Variants in CLTCL1 observed in about 807,000 individuals in gnomAD.
The protein encoded by CLTCL1 is clathrin heavy chain like 1.
CLTCL1 carries 159 observed loss-of-function variants against 190.0 expected under a neutral mutation model. That is an observed-to-expected ratio of 0.84 (90% CI 0.74 to 0.95). The LOEUF is 0.95. Among genes scored for constraint, CLTCL1 ranks in the 40% least tolerant of loss-of-function variants. The pLI is 0.00. For synonymous variants in CLTCL1, 752 were observed against 769.6 expected (o/e 0.98, Z 0.38); for missense variants, 1,878 against 2,033.4 (o/e 0.92, Z 1.47).
chr22:19,260,209 G>A (rs1320414888), intron 2 of CLTCL1, among the ~76,000 whole-genome samples: 3 of 152,132 alleles, frequency 2.0e-5, no homozygotes, highest in South Asian at 2.1e-4. Context: ...AGCATAAAAC[G>A]GCAAGGTGAA....
intron 4 of CLTCL1, among the ~76,000 whole-genome samples, chr22:19,240,039 C>T (rs1555964534): frequency 6.6e-6 from 1 of 151,458 alleles, no homozygotes; most frequent in Non-Finnish European, 1.5e-5. Flanking sequence ...ACCTCTGCCT[C>T]CCGGGTTCAA....
intron 27 of CLTCL1, among the ~76,000 whole-genome samples, chr22:19,188,323 T>C (rs2084381631): frequency 6.6e-6 from 1 of 152,176 alleles, no homozygotes; most frequent in African/African-American, 2.4e-5. Context: ...GAGAGACACA[T>C]GGGTTTGGGT....
chr22:19,199,622 T>C, intron 24 of CLTCL1, 112 bp downstream of exon 24: 1 of 693,604 alleles, frequency 1.4e-6, no homozygotes, highest in East Asian at 2.8e-5. Context: ...ATGCTTCATA[T>C]TTGCAGATGC....
At chr22:19,192,480 A>T (rs1555932954) in intron 26 of CLTCL1, among the ~76,000 whole-genome samples, 1 of 152,104 alleles carries the variant, frequency 6.6e-6, no homozygotes, top group East Asian at 1.9e-4. Flanking sequence ...GTGGTGATGA[A>T]TGTGTCTGCG....
intron 11 of CLTCL1, 104 bp downstream of exon 11, chr22:19,229,734 T>C: frequency 8.6e-7 from 1 of 1,159,720 alleles, no homozygotes; most frequent in Non-Finnish European, 1.1e-6. Flanking sequence ...GATAAACATC[T>C]GGCACAAGCC....
In CLTCL1 at chr22:19,199,718, G is replaced by C; in HGVS notation, c.3873+16C>G. On this transcript the variant is annotated intron_variant, in intron 24 of 32. Transcript: ENST00000427926. ...TCACTTGTCATCTGCATTACCAGCAGAGATCATCTGGTCACCTGGTAATAG... is the reference window on the plus strand; with the variant it reads ...TCACTTGTCATCTGCATTACCAGCACAGATCATCTGGTCACCTGGTAATAG... The C allele has an allele frequency of 6.4e-7, 1 of 1,562,378 alleles. No homozygotes were observed. Among genetic ancestry groups the C allele is most frequent in the Non-Finnish European group, 8.7e-7 (1 of 1,151,386 alleles).
chr22:19,186,359 G>C (rs1202552956), intron 29 of CLTCL1, among the ~76,000 whole-genome samples: 1 of 152,050 alleles, frequency 6.6e-6, no homozygotes, highest in African/African-American at 2.4e-5. Flanking sequence ...TTCAGGCCAA[G>C]CAGAGGATGT....
At chr22:19,184,381 G>A (rs1023307578) in intron 29 of CLTCL1, 8 of 431,892 alleles carry the variant, frequency 1.9e-5, no homozygotes, top group African/African-American at 6.0e-5. Context: ...GCCTGCCATC[G>A]CCTGCAGCAC....
intron 4 of CLTCL1, 86 bp downstream of exon 4, chr22:19,242,689 A>G: frequency 7.0e-7 from 1 of 1,420,838 alleles, no homozygotes; most frequent in Non-Finnish European, 9.9e-7. Context: ...AGACATCTGC[A>G]GGCCATGCCC....
At chr22:19,253,919 G>A (rs782112182) in intron 3 of CLTCL1, 40 bp downstream of exon 3, 1 of 1,596,306 alleles carries the variant, frequency 6.3e-7, no homozygotes, top group East Asian at 2.3e-5. Flanking sequence ...GGGCTTTGAA[G>A]TTACATCAGA....
In CLTCL1 at chr22:19,216,113, G is replaced by C. The variant is rs1041665106; in HGVS notation, c.3063C>G (p.His1021Gln). 2 of 1,613,556 alleles carry C rather than the reference G, an allele frequency of 1.2e-6. No individual in the cohort carries two copies. Among genetic ancestry groups the C allele is most frequent in the Admixed American group, 3.3e-5 (2 of 59,980 alleles). The change falls in exon 19 of 33, where the codon CAC becomes CAG. Residue 1021 changes from histidine (H) to glutamine (Q), a missense_variant and splice_region_variant. Transcript: ENST00000427926. Reference protein sequence around the residue: ...IVLDNSVFSEHRNLQNLLILT... With the variant: ...IVLDNSVFSEQRNLQNLLILT... ...AGCTACCCCTGGCATAGCCTCACCT[G>C]TGCTCGCTGAAGACAGAGTTATCCA...
intron 15 of CLTCL1, 99 bp downstream of exon 15, chr22:19,222,585 C>T: frequency 7.2e-7 from 1 of 1,396,574 alleles, no homozygotes; most frequent in South Asian, 1.3e-5. Flanking sequence ...AAATGATAGT[C>T]TCTGAAATGT....
At chr22:19,195,123 G>C (rs782102172) in intron 26 of CLTCL1, among the ~76,000 whole-genome samples, 5 of 152,192 alleles carry the variant, frequency 3.3e-5, no homozygotes, top group Non-Finnish European at 4.4e-5. Context: ...TATCAGAGGA[G>C]TTACAATGTG....
At chr22:19,211,330 C>T (rs1235558546) in intron 19 of CLTCL1, among the ~76,000 whole-genome samples, 4 of 152,116 alleles carry the variant, frequency 2.6e-5, no homozygotes, top group Non-Finnish European at 5.9e-5. Context: ...ACACTTTCCC[C>T]GAGGATCAGG....
chr22:19,236,079 C>A (rs1195588919), intron 5 of CLTCL1, among the ~76,000 whole-genome samples: 2 of 152,164 alleles, frequency 1.3e-5, no homozygotes, highest in African/African-American at 4.8e-5. Context: ...CCCATCTCAG[C>A]CTCCAATGTA....
intron 29 of CLTCL1, among the ~76,000 whole-genome samples, chr22:19,187,057 G>C (rs574138980): frequency 6.6e-6 from 1 of 150,548 alleles, no homozygotes; most frequent in East Asian, 1.9e-4. Context: ...TCAGCCTCCC[G>C]AGTGGCTGGT....
At chr22:19,291,354 CT>C (rs2088113379) in intron 1 of CLTCL1, among the ~76,000 whole-genome samples, 3 of 152,246 alleles carry the variant, frequency 2.0e-5, no homozygotes, top group African/African-American at 7.2e-5. Context: ...GGGGCGTTGG[CT>C]TCCACCCCCA....
At chr22:19,245,868 C>T (rs1216482529) in intron 3 of CLTCL1, among the ~76,000 whole-genome samples, 1 of 152,204 alleles carries the variant, frequency 6.6e-6, no homozygotes, top group Non-Finnish European at 1.5e-5. Context: ...TAATGTCCCA[C>T]TGTATGGATA....
At chr22:19,215,530 T>C (rs1403677891) in intron 19 of CLTCL1, among the ~76,000 whole-genome samples, 1 of 152,076 alleles carries the variant, frequency 6.6e-6, no homozygotes, top group Non-Finnish European at 1.5e-5. Flanking sequence ...TGCTGGTCCA[T>C]GCCGAAACAC....
Sources: allele counts gnomAD v4.1 joint callset (sites outside exome capture counted in the v4.1 genomes callset), GRCh38; gene constraint gnomAD v4.1.1; transcripts MANE v1.5; gene names NCBI Gene and HGNC (gene_info 2026-07-23, HGNC 2026-07-21).